WWTR1: variants seen among roughly 807,000 people sequenced by gnomAD.
The protein encoded by WWTR1 is WW domain-containing transcription regulator protein 1.
WWTR1 carries 13 observed loss-of-function variants against 40.1 expected under a neutral mutation model. The ratio of observed to expected loss-of-function variants is 0.32; its 90% CI spans 0.21 to 0.52. The LOEUF (loss-of-function observed/expected upper bound fraction) is 0.52. Among genes scored for constraint, WWTR1 ranks in the 20% least tolerant of loss-of-function variants. The pLI, the probability that WWTR1 is intolerant of heterozygous loss-of-function variation, is 0.97. For synonymous variants in WWTR1, 230 were observed against 210.1 expected, an observed-to-expected ratio of 1.09 and a Z score of -0.82; for missense variants, 436 against 523.1, an observed-to-expected ratio of 0.83 and a Z score of 1.63.
At chr3:149,606,035 A>T (rs1739465753) in intron 2 of WWTR1, among the ~76,000 whole-genome samples, 1 of 152,208 alleles carries the variant, frequency 6.6e-6, no homozygotes, top group Non-Finnish European at 1.5e-5. Flanking sequence ...GGCCCTCATG[A>T]AAGAGGCCAG....
At chr3:149,638,745 AC>A (rs1711984197) in intron 2 of WWTR1, among the ~76,000 whole-genome samples, 1 of 152,136 alleles carries the variant, frequency 6.6e-6, no homozygotes, top group Admixed American at 6.5e-5. Flanking sequence ...GTCACGCTAG[AC>A]CCCAGAGTAT....
At chr3:149,712,121 A>C (rs1715490952) in intron 5 of WWTR1, among the ~76,000 whole-genome samples, 1 of 152,210 alleles carries the variant, frequency 6.6e-6, no homozygotes, top group South Asian at 2.1e-4. Context: ...AGAAAGGCAA[A>C]ATTTTAATTT....
intron 1 of WWTR1, among the ~76,000 whole-genome samples, chr3:149,679,647 A>G (rs1391693877): frequency 1.9e-5 from 2 of 104,374 alleles, no homozygotes; most frequent in Non-Finnish European, 4.2e-5. Context: ...AATGGTGGGA[A>G]AAAAAAAAAA....
chr3:149,609,648 A>G (rs938397224), intron 2 of WWTR1, among the ~76,000 whole-genome samples: 11 of 152,226 alleles, frequency 7.2e-5, no homozygotes, highest in African/African-American at 2.4e-4. Flanking sequence ...ATGGCCCATG[A>G]AGTCTAAACT....
intron 2 of WWTR1, among the ~76,000 whole-genome samples, chr3:149,664,182 A>G (rs1713708765): frequency 6.6e-6 from 1 of 152,258 alleles, no homozygotes; most frequent in South Asian, 2.1e-4. Flanking sequence ...ACCTGCCCTG[A>G]CTTGCTGAAC....
At chr3:149,612,161 A>T (rs190132933) in intron 2 of WWTR1, among the ~76,000 whole-genome samples, 95 of 152,278 alleles carry the variant, frequency 6.2e-4, no homozygotes, top group Non-Finnish European at 1.2e-3. Flanking sequence ...TGATAATCAA[A>T]CACCAAATAA....
At chr3:149,614,554 G>A (rs1739878700) in intron 2 of WWTR1, among the ~76,000 whole-genome samples, 1 of 152,172 alleles carries the variant, frequency 6.6e-6, no homozygotes, top group African/African-American at 2.4e-5. Flanking sequence ...CAATAGCACT[G>A]ATGAATAAGA....
intron 2 of WWTR1, among the ~76,000 whole-genome samples, chr3:149,613,786 C>T (rs980829795): frequency 4.6e-5 from 7 of 152,196 alleles, no homozygotes; most frequent in South Asian, 2.1e-4. Context: ...ACTCAAGCGA[C>T]CTGCCTGCCT....
chr3:149,550,665 A>C (rs1411444703), intron 3 of WWTR1, among the ~76,000 whole-genome samples: 1 of 152,252 alleles, frequency 6.6e-6, no homozygotes, highest in Non-Finnish European at 1.5e-5. Context: ...TGAACAAAGC[A>C]GTTTCATGTG....
At chr3:149,693,500 C>T (rs1714887739) in intron 1 of WWTR1, among the ~76,000 whole-genome samples, 1 of 152,020 alleles carries the variant, frequency 6.6e-6, no homozygotes, top group African/African-American at 2.4e-5. Context: ...TATATGGAAC[C>T]ACCAAAGACC....
At chr3:149,656,756 CTCTCTCTT>C (rs140515074) in intron 2 of WWTR1, 112 bp downstream of exon 2, 9,211 of 704,904 alleles carry the variant, frequency 0.013, 100 homozygotes, top group East Asian at 0.11. Flanking sequence ...CACGCACCAT[CTCTCTCTT>C]TCTCTCTCTC....
At chr3:149,641,388 C>T (rs1201157183) in intron 2 of WWTR1, among the ~76,000 whole-genome samples, 3 of 152,182 alleles carry the variant, frequency 2.0e-5, no homozygotes, top group East Asian at 3.8e-4. Context: ...TTGTTACTGA[C>T]GCTTTGCTTA....
chr3:149,671,972 T>G (rs1336258006), intron 1 of WWTR1, among the ~76,000 whole-genome samples: 2 of 152,138 alleles, frequency 1.3e-5, no homozygotes, highest in Non-Finnish European at 2.9e-5. Flanking sequence ...GGTCCCCAGG[T>G]AAGCAAAGTG....
At chr3:149,556,949 T>C (rs1024210376) in intron 3 of WWTR1, among the ~76,000 whole-genome samples, 1 of 152,290 alleles carries the variant, frequency 6.6e-6, no homozygotes, top group South Asian at 2.1e-4. Flanking sequence ...TACACTCATT[T>C]TGGTCTTCTG....
upstream of WWTR1, chr3:149,659,274 A>C (rs1356556691): frequency 6.6e-6 from 1 of 151,520 alleles, no homozygotes; most frequent in Non-Finnish European, 1.5e-5. Context: ...TGGTTACGTA[A>C]GTGTTTGTTA....
At chr3:149,584,026 C>T (rs955090655) in intron 2 of WWTR1, among the ~76,000 whole-genome samples, 10 of 152,274 alleles carry the variant, frequency 6.6e-5, no homozygotes, top group African/African-American at 2.4e-4. Flanking sequence ...AGCCACTAAG[C>T]TACTCTAAAT....
At chr3:149,605,081 G>A (rs549274805) in intron 2 of WWTR1, among the ~76,000 whole-genome samples, 2 of 152,154 alleles carry the variant, frequency 1.3e-5, no homozygotes, top group East Asian at 3.9e-4. Context: ...TCCAGAGGCC[G>A]GAGACAGCAC....
In WWTR1 at chr3:149,611,924, T is replaced by C. The variant is rs75811470; in HGVS notation, c.432-38924A>G. 9.7e-3 allele frequency among the ~76,000 whole-genome samples: 1,476 copies of C among 152,308 alleles called. 36 individuals carry two copies. The highest frequency in any genetic ancestry group is 0.034 in the African/African-American group (1,397 of 41,560). On this transcript the variant is annotated intron_variant, in intron 2 of 6. Transcript: ENST00000360632. Reference sequence around the variant, plus strand: ...CAGTTTAATTTCAAAAACACTTCTATTTACATTATTGCCTAGACTTACATT... The same window carrying C: ...CAGTTTAATTTCAAAAACACTTCTACTTACATTATTGCCTAGACTTACATT...
intron 3 of WWTR1, among the ~76,000 whole-genome samples, chr3:149,551,938 G>A (rs1328161136): frequency 6.9e-6 from 1 of 145,678 alleles, no homozygotes; most frequent in Non-Finnish European, 1.5e-5. Context: ...TGTGATAATT[G>A]GAATGGGAAT....
Sources: allele counts gnomAD v4.1 joint callset (sites outside exome capture counted in the v4.1 genomes callset), GRCh38; gene constraint gnomAD v4.1.1; transcripts MANE v1.5; gene names NCBI Gene and HGNC (gene_info 2026-07-23, HGNC 2026-07-21).